Variants in ZFHX3 observed in about 807,000 individuals in gnomAD.
ZFHX3 encodes the protein zinc finger homeobox protein 3.
Under a neutral mutation model 279.1 loss-of-function variants are expected in ZFHX3, and 42 were observed. The ratio of observed to expected loss-of-function variants is 0.15; its 90% CI spans 0.12 to 0.19. The LOEUF is 0.19. Ranked by LOEUF, ZFHX3 falls within the 10% of genes least tolerant of loss-of-function variation. ZFHX3 has a pLI of 1.00. For missense variants in ZFHX3, 4,981 were observed against 4,754.0 expected (o/e 1.05, Z -1.40); for synonymous variants, 2,293 against 1,957.8 (o/e 1.17, Z -4.52).
At position 73,787,854 on chromosome 16, in the gene ZFHX3, AAAGAGAG is replaced by A. The variant is rs1959699272; in HGVS notation, c.-1608+103790_-1608+103796del. On this transcript the variant is annotated intron_variant, in intron 1 of 17. Transcript: ENST00000641206. ...GTGTGTGTGTGTGTGTGTGTGTGTG[AAAGAGAG>A]AGAGAGAGAGAGAGAGAATGTAGGG... is the stretch of plus-strand genomic sequence containing the variant. Among the ~76,000 whole-genome samples, 3 of 122,250 alleles carry A rather than the reference AAAGAGAG, an allele frequency of 2.5e-5. No individual in the cohort carries two copies. The Admixed American group carries it at 2.5e-4, about 10-fold the overall frequency. The allele number at this position is 122,250 out of a possible 152,430, so 80.2% of individuals were successfully genotyped here.
At chr16:73,316,711 T>C (rs976636897) in intron 4 of ZFHX3, among the ~76,000 whole-genome samples, 3 of 152,212 alleles carry the variant, frequency 2.0e-5, no homozygotes, top group Non-Finnish European at 4.4e-5. Context: ...TTGATTTTTA[T>C]CACCTCCCTA....
chr16:73,424,502 C>T lies in ZFHX3; in HGVS notation c.-1291+31501G>A, dbSNP rs140258236. ...ACTGATGGTTTTGTTCACAGTACTT[C>T]GGGAGGCCCAGGTGGGAGGTTCACT... On this transcript the variant is annotated intron_variant, in intron 3 of 17. Coordinates refer to the ZFHX3 transcript ENST00000641206. Among the ~76,000 whole-genome samples the T allele has an allele frequency of 5.9e-5, 9 of 152,106 alleles. No individual in the cohort carries two copies. The East Asian group carries it at 1.5e-3, about 26-fold the overall frequency.
chr16:73,131,079 G>A, exon 7 of ZFHX3: 1 of 913,310 alleles, frequency 1.1e-6, no homozygotes, highest in South Asian at 1.4e-5. Context: ...ACTTCTTTGT[G>A]TCTCAGCTTC....
intron 9 of ZFHX3, chr16:72,790,126 G>C (rs775200624): frequency 6.6e-6 from 1 of 152,298 alleles, no homozygotes; most frequent in Non-Finnish European, 1.5e-5. Flanking sequence ...TGAGTCACCA[G>C]GTCCAAGGTA....
chr16:73,706,958 G>C (rs2053311034), intron 1 of ZFHX3, among the ~76,000 whole-genome samples: 1 of 152,202 alleles, frequency 6.6e-6, no homozygotes, highest in African/African-American at 2.4e-5. Context: ...ATTGCACACA[G>C]TAGGAGTTTA....
chr16:73,626,259 C>T (rs2052415575), intron 2 of ZFHX3, among the ~76,000 whole-genome samples: 1 of 152,160 alleles, frequency 6.6e-6, no homozygotes, highest in Non-Finnish European at 1.5e-5. Flanking sequence ...AGGGACCTCT[C>T]TCTATCTTCC....
chr16:73,534,770 G>C (rs959623454), intron 2 of ZFHX3, among the ~76,000 whole-genome samples: 1 of 152,156 alleles, frequency 6.6e-6, no homozygotes, highest in Admixed American at 6.5e-5. Context: ...GTGTGTCTGA[G>C]TCTTTCTTGT....
At chr16:73,888,201 T>C (rs2030412367) in intron 1 of ZFHX3, among the ~76,000 whole-genome samples, 1 of 152,128 alleles carries the variant, frequency 6.6e-6, no homozygotes, top group Non-Finnish European at 1.5e-5. Context: ...TAAAACTAGG[T>C]TAGAAGTTGA....
intron 1 of ZFHX3, among the ~76,000 whole-genome samples, chr16:73,856,210 T>TGG (rs1430571830): frequency 2.0e-5 from 3 of 152,232 alleles, no homozygotes; most frequent in Non-Finnish European, 2.9e-5. Flanking sequence ...AGTGACTACG[T>TGG]GTAGGTGGTG....
At chr16:73,375,729 AT>A (rs1351592686) in intron 3 of ZFHX3, among the ~76,000 whole-genome samples, 1 of 152,142 alleles carries the variant, frequency 6.6e-6, no homozygotes, top group African/African-American at 2.4e-5. Flanking sequence ...CTAAATACTT[AT>A]TTGCTTTATC....
chr16:73,384,522 T>A (rs1443068060), intron 3 of ZFHX3, among the ~76,000 whole-genome samples: 3 of 152,262 alleles, frequency 2.0e-5, no homozygotes, highest in South Asian at 2.1e-4. Context: ...AACAAAAGTA[T>A]GATGAACCAT....
intron 5 of ZFHX3, among the ~76,000 whole-genome samples, chr16:73,156,992 G>A (rs1420752576): frequency 3.3e-5 from 5 of 152,160 alleles, no homozygotes; most frequent in African/African-American, 9.6e-5. Flanking sequence ...GATTGCAGGC[G>A]TGAGCCACCG....
At chr16:72,956,255 G>C (rs1049849293) in intron 2 of ZFHX3, among the ~76,000 whole-genome samples, 12 of 152,080 alleles carry the variant, frequency 7.9e-5, no homozygotes, top group African/African-American at 2.9e-4. Context: ...AGCCATCCTG[G>C]AAAAAAAGTC....
intron 5 of ZFHX3, among the ~76,000 whole-genome samples, chr16:73,174,177 G>T (rs1471919544): frequency 6.6e-6 from 1 of 151,948 alleles, no homozygotes; most frequent in African/African-American, 2.4e-5. Flanking sequence ...TCTGCATGGA[G>T]ACCTTCCTGG....
intron 3 of ZFHX3, among the ~76,000 whole-genome samples, chr16:73,421,596 A>G (rs2143492984): frequency 6.6e-6 from 1 of 152,344 alleles, no homozygotes; most frequent in South Asian, 2.1e-4. Flanking sequence ...ATGCCAGTAA[A>G]AATCAACAGA....
At chr16:72,995,504 T>C (rs1363040990) in intron 1 of ZFHX3, among the ~76,000 whole-genome samples, 3 of 152,208 alleles carry the variant, frequency 2.0e-5, no homozygotes. Flanking sequence ...ATGGACACCT[T>C]CTTTGTCCCT....
rs565270667 is a variant in ZFHX3, at chr16:73,695,798, CCTGT to C, written c.-1607-15562_-1607-15559del. 8.5e-5 allele frequency among the ~76,000 whole-genome samples: 13 copies of C among 152,292 alleles called. No individual in the cohort carries two copies. In the East Asian group the frequency reaches 2.3e-3, roughly 27 times the overall value. On this transcript the variant is annotated intron_variant, in intron 1 of 17. Coordinates refer to the ZFHX3 transcript ENST00000641206. Reference sequence around the variant, plus strand: ...CTCAGGAAGTGCCTGATCCCTCTTCCCTGTCTGACTCTAGGGTACCCATTTGTCT... The same window carrying C: ...CTCAGGAAGTGCCTGATCCCTCTTCCCTGACTCTAGGGTACCCATTTGTCT...
chr16:73,518,808 A>G (rs188990555), intron 2 of ZFHX3, among the ~76,000 whole-genome samples: 16 of 152,212 alleles, frequency 1.1e-4, no homozygotes, highest in Non-Finnish European at 2.2e-4. Context: ...TTCGAAAAGC[A>G]TTGGATAGGC....
intron 3 of ZFHX3, among the ~76,000 whole-genome samples, chr16:73,384,898 C>T (rs2143378465): frequency 6.6e-6 from 1 of 152,312 alleles, no homozygotes; most frequent in Non-Finnish European, 1.5e-5. Flanking sequence ...CAGCATCTTG[C>T]ATCCCTCCTA....
Sources: gnomAD v4.1 joint callset for allele counts (sites outside exome capture counted in the v4.1 genomes callset) on GRCh38, gnomAD v4.1.1 for gene constraint, MANE v1.5 for transcripts, NCBI Gene and HGNC (gene_info 2026-07-23, HGNC 2026-07-21) for gene names.